ADGB: variants seen among roughly 807,000 people sequenced by gnomAD.
ADGB encodes the protein calpain-7-like protein.
In ADGB, 172 loss-of-function variants were observed where a neutral mutation model predicts 210.5. That is an observed-to-expected ratio of 0.82 (90% CI 0.72 to 0.93). ADGB has a LOEUF of 0.93. Among genes scored for constraint, ADGB ranks in the 40% least tolerant of loss-of-function variants. The pLI, the probability that ADGB is intolerant of heterozygous loss-of-function variation, is 0.00. For missense variants in ADGB, 2,025 were observed against 1,964.8 expected, an observed-to-expected ratio of 1.03 and a Z score of -0.58; for synonymous variants, 658 against 662.7, an observed-to-expected ratio of 0.99 and a Z score of 0.11.
intron 34 of ADGB, 56 bp from the exon 35 acceptor site, chr6:146,801,772 G>A: frequency 7.0e-7 from 1 of 1,426,588 alleles, no homozygotes; most frequent in Non-Finnish European, 9.4e-7. Flanking sequence ...CTAAAGTGAA[G>A]CTTATTCCAG....
At chr6:146,785,877 T>C (rs188707450) in intron 32 of ADGB, among the ~76,000 whole-genome samples, 165 bp downstream of exon 32, 1 of 152,182 alleles carries the variant, frequency 6.6e-6, no homozygotes, top group Admixed American at 6.6e-5. Context: ...ATATGAATAG[T>C]GCTTCAATTT....
intron 2 of ADGB, among the ~76,000 whole-genome samples, chr6:146,640,184 C>T (rs909990555): frequency 6.6e-6 from 1 of 152,112 alleles, no homozygotes; most frequent in Middle Eastern, 3.4e-3. Flanking sequence ...TTCCTGGACA[C>T]ATACACCCTC....
chr6:146,732,830 CTATT>C (rs1562286420), intron 20 of ADGB, among the ~76,000 whole-genome samples: 1 of 151,854 alleles, frequency 6.6e-6, no homozygotes, highest in Non-Finnish European at 1.5e-5. Flanking sequence ...AAGGATAATG[CTATT>C]TTTTTTACCT....
chr6:146,769,137 T>C lies in ADGB; in HGVS notation c.3862+6T>C. Reference sequence around the variant, plus strand: ...AAAGAAAAGTAATACCAAAGGTATGTCACCCTAAATGTTTAAACATGCACT... The same window carrying C: ...AAAGAAAAGTAATACCAAAGGTATGCCACCCTAAATGTTTAAACATGCACT... On this transcript the variant is annotated splice_donor_region_variant and intron_variant, in intron 29 of 35. Coordinates refer to ENST00000397944, the MANE Select transcript of ADGB (RefSeq NM_024694.4). The C allele has an allele frequency of 2.1e-6, 3 of 1,438,432 alleles. No homozygotes were observed. The highest frequency in any genetic ancestry group is 2.9e-6 in the Non-Finnish European group (3 of 1,051,618). 89.1% of individuals were successfully genotyped at this position (1,438,432 alleles called of 1,614,324 possible). A position where few individuals can be genotyped will look rare whatever the true frequency, so the allele number is the denominator to read the frequency against.
intron 1 of ADGB, among the ~76,000 whole-genome samples, chr6:146,604,808 G>T (rs141338938): frequency 3.8e-3 from 582 of 152,258 alleles, no homozygotes; most frequent in African/African-American, 0.013. Flanking sequence ...CTTGACAGGA[G>T]AAACTTGTTG....
intron 1 of ADGB, among the ~76,000 whole-genome samples, chr6:146,605,076 T>A (rs1263239031): frequency 3.3e-5 from 5 of 152,124 alleles, no homozygotes; most frequent in African/African-American, 1.2e-4. Flanking sequence ...TCCAGCAGAA[T>A]GACAGGGATA....
rs1776934116 is a variant in ADGB at position 146,728,632 on chromosome 6, T to C, written c.2411T>C (p.Ile804Thr). Residue 804 changes from isoleucine (I) to threonine (T), a missense_variant, in exon 20 of 36, where the codon ATT becomes ACT. Coordinates refer to ENST00000397944, the MANE Select transcript of ADGB (RefSeq NM_024694.4). ...ATTATGAAAGCTATTGGAAATGTGA[T>C]TGCTAATTTCAAAGATAAGGGTAAA... is the stretch of plus-strand genomic sequence containing the variant. Reference protein sequence around the residue: ...LLIMKAIGNVIANFKDKGKLS... With the variant: ...LLIMKAIGNVTANFKDKGKLS... 4 of 1,551,510 alleles carry C rather than the reference T, an allele frequency of 2.6e-6. No homozygotes were observed. In the South Asian group the frequency reaches 3.6e-5, roughly 14 times the overall value.
intron 23 of ADGB, 100 bp from the exon 24 acceptor site, chr6:146,740,359 G>T: frequency 9.4e-7 from 1 of 1,064,226 alleles, no homozygotes; most frequent in Non-Finnish European, 1.3e-6. Flanking sequence ...ACAATGACTT[G>T]CAATATCTTA....
intron 6 of ADGB, 106 bp downstream of exon 6, chr6:146,664,446 C>CT: frequency 8.4e-7 from 1 of 1,188,958 alleles, no homozygotes; most frequent in Non-Finnish European, 1.1e-6. Flanking sequence ...TAAAAGACAG[C>CT]TTTTTCCCCT....
chr6:146,665,722 A>G (rs1209433591), intron 6 of ADGB, among the ~76,000 whole-genome samples: 1 of 152,060 alleles, frequency 6.6e-6, no homozygotes, highest in Non-Finnish European at 1.5e-5. Context: ...AGTGTAATAC[A>G]TTTCTTGGGA....
intron 9 of ADGB, among the ~76,000 whole-genome samples, chr6:146,684,465 T>C (rs377005215): frequency 6.6e-6 from 1 of 152,038 alleles, no homozygotes; most frequent in African/African-American, 2.4e-5. Context: ...GGACTGTAAA[T>C]TACTGGTCAC....
At chr6:146,807,389 T>C (rs1778228362) in intron 35 of ADGB, 2 of 1,548,290 alleles carry the variant, frequency 1.3e-6, no homozygotes, top group Non-Finnish European at 1.7e-6. Flanking sequence ...TTTGGGGTTT[T>C]GCTTTGGAAC....
chr6:146,646,525 C>T (rs1775614723), intron 3 of ADGB, among the ~76,000 whole-genome samples: 1 of 152,070 alleles, frequency 6.6e-6, no homozygotes, highest in African/African-American at 2.4e-5. Context: ...GCTGTTTAGG[C>T]ATCTGTGTGC....
intron 13 of ADGB, among the ~76,000 whole-genome samples, chr6:146,707,023 A>C (rs1263706429): frequency 1.3e-5 from 2 of 151,820 alleles, no homozygotes; most frequent in Non-Finnish European, 2.9e-5. Context: ...CATTTACTGC[A>C]TCCTATAAAT....
chr6:146,773,634 G>A (rs1777684748), intron 29 of ADGB, among the ~76,000 whole-genome samples: 2 of 152,164 alleles, frequency 1.3e-5, no homozygotes, highest in African/African-American at 4.8e-5. Context: ...ATGAAGAAAT[G>A]AGCCTTAGAT....
At chr6:146,746,326 T>G (rs1755202433) in intron 26 of ADGB, among the ~76,000 whole-genome samples, 1 of 152,150 alleles carries the variant, frequency 6.6e-6, no homozygotes, top group Non-Finnish European at 1.5e-5. Context: ...TCCCTAAGTC[T>G]TCATCCTACT....
chr6:146,808,330 A>C (rs1001535972), intron 35 of ADGB, among the ~76,000 whole-genome samples: 2 of 152,122 alleles, frequency 1.3e-5, no homozygotes, highest in Non-Finnish European at 2.9e-5. Context: ...ACTGAACTTC[A>C]AGAAACCTCC....
At chr6:146,754,151 ATTTAGT>A (rs1777365969) in intron 27 of ADGB, among the ~76,000 whole-genome samples, 1 of 151,334 alleles carries the variant, frequency 6.6e-6, no homozygotes, top group Admixed American at 6.6e-5. Context: ...GTACAGATTC[ATTTAGT>A]ATTTCCAATG....
intron 35 of ADGB, among the ~76,000 whole-genome samples, chr6:146,811,708 G>T (rs1778305540): frequency 6.6e-6 from 1 of 152,192 alleles, no homozygotes; most frequent in Non-Finnish European, 1.5e-5. Flanking sequence ...CTCTCCCTCT[G>T]TCTCCCAGGC....
Sources: allele counts gnomAD v4.1 joint callset (sites outside exome capture counted in the v4.1 genomes callset), GRCh38; gene constraint gnomAD v4.1.1; transcripts MANE v1.5; gene names NCBI Gene and HGNC (gene_info 2026-07-23, HGNC 2026-07-21).